SAMD4A: variants seen among roughly 807,000 people sequenced by gnomAD.
The protein encoded by SAMD4A is protein Smaug homolog 1.
In SAMD4A, 33 loss-of-function variants were observed where a neutral mutation model predicts 81.3. The ratio of observed to expected loss-of-function variants is 0.41; its 90% confidence interval spans 0.31 to 0.54. SAMD4A has a LOEUF of 0.54. Among genes scored for constraint, SAMD4A ranks in the 20% least tolerant of loss-of-function variants. The probability of loss-of-function intolerance (pLI) is 0.37; values close to 1 mark genes in which losing one functional copy is unlikely to be tolerated. For missense variants in SAMD4A, 854 were observed against 951.1 expected, an observed-to-expected ratio of 0.90 and a Z score of 1.34; for synonymous variants, 389 against 382.1, an observed-to-expected ratio of 1.02 and a Z score of -0.21.
chr14:54,626,984 T>G (rs2034779278), intron 2 of SAMD4A, among the ~76,000 whole-genome samples: 1 of 152,206 alleles, frequency 6.6e-6, no homozygotes, highest in Non-Finnish European at 1.5e-5. Flanking sequence ...TGACTCTTGC[T>G]TCAGGGTTTT....
intron 2 of SAMD4A, among the ~76,000 whole-genome samples, chr14:54,570,901 G>A (rs951031119): frequency 6.6e-6 from 1 of 152,088 alleles, no homozygotes. Context: ...TTCCTGTACC[G>A]AAGTCATCTT....
At position 54,673,987 on chromosome 14, in the gene SAMD4A, C is replaced by T. The variant is rs145416600; in HGVS notation, c.197-28075C>T. Among the ~76,000 whole-genome samples the T allele has an allele frequency of 4.8e-4, 73 of 152,276 alleles. No homozygotes were observed. In the East Asian group the frequency reaches 0.012, roughly 25 times the overall value. Reference sequence around the variant, plus strand: ...ATGGAACCTACTCTGAGTCATCAGACGCCACGCTTAGGGCACATAGAATTA... The same window carrying T: ...ATGGAACCTACTCTGAGTCATCAGATGCCACGCTTAGGGCACATAGAATTA... On this transcript the variant is annotated intron_variant, in intron 2 of 12. Transcript: ENST00000554335.
chr14:54,699,599 T>C (rs910449283), intron 2 of SAMD4A, among the ~76,000 whole-genome samples: 1 of 152,194 alleles, frequency 6.6e-6, no homozygotes, highest in Admixed American at 6.5e-5. Context: ...AAAGGAAAAA[T>C]GGCTCATTAA....
At chr14:54,730,547 T>A (rs1354892865) in intron 3 of SAMD4A, among the ~76,000 whole-genome samples, 1 of 152,208 alleles carries the variant, frequency 6.6e-6, no homozygotes, top group Admixed American at 6.5e-5. Context: ...TCTTCTGGTG[T>A]CCAGATGTTC....
rs536283177 is a variant in SAMD4A at position 54,657,946 on chromosome 14, G to C, written c.197-44116G>C. ...ACAGCCACAGAGCAGCTCAACTTTA[G>C]GTTCTAGGACCTTGTAGTCAAGAAT... On this transcript the variant is annotated intron_variant, in intron 2 of 12. Coordinates refer to ENST00000554335, the MANE Select transcript of SAMD4A (RefSeq NM_015589.6). 7.9e-5 allele frequency among the ~76,000 whole-genome samples: 12 copies of C among 152,290 alleles called. No individual in the cohort carries two copies. The South Asian group carries it at 2.5e-3, about 32-fold the overall frequency.
chr14:54,668,408 G>C (rs1356878481), intron 2 of SAMD4A, among the ~76,000 whole-genome samples: 1 of 152,172 alleles, frequency 6.6e-6, no homozygotes, highest in Admixed American at 6.5e-5. Context: ...GTGAGGCCTG[G>C]CAGTGAACTT....
intron 6 of SAMD4A, among the ~76,000 whole-genome samples, chr14:54,752,730 C>T (rs997158688): frequency 6.6e-6 from 1 of 152,166 alleles, no homozygotes; most frequent in Non-Finnish European, 1.5e-5. Flanking sequence ...GGGACCGGCA[C>T]TCAGCATACG....
intron 11 of SAMD4A, among the ~76,000 whole-genome samples, chr14:54,783,041 C>T (rs1466688672): frequency 6.6e-6 from 1 of 152,038 alleles, no homozygotes; most frequent in Non-Finnish European, 1.5e-5. Flanking sequence ...GGTGGCAACA[C>T]GGAGACTTCT....
intron 6 of SAMD4A, among the ~76,000 whole-genome samples, chr14:54,756,893 G>A (rs2038254177): frequency 6.6e-6 from 1 of 152,200 alleles, no homozygotes; most frequent in Non-Finnish European, 1.5e-5. Context: ...TGTGGTCAGT[G>A]GTGGACCAGA....
intron 4 of SAMD4A, among the ~76,000 whole-genome samples, chr14:54,744,647 T>C (rs2037923950): frequency 6.6e-6 from 1 of 152,138 alleles, no homozygotes; most frequent in Non-Finnish European, 1.5e-5. Context: ...ATGGTGGTGC[T>C]TTGTCCCAGA....
Position 54,694,598 on chromosome 14 carries a change from C to T in SAMD4A, c.197-7464C>T, listed in dbSNP as rs1433830897. 6 of 985,104 alleles carry T rather than the reference C, an allele frequency of 6.1e-6. No homozygotes were observed. In the African/African-American group the frequency reaches 1.0e-4, roughly 17 times the overall value. 61.0% of individuals were successfully genotyped at this position (985,104 alleles called of 1,614,324 possible). On this transcript the variant is annotated intron_variant, in intron 2 of 12. Transcript: ENST00000554335. ...AGGGGAGAAACCTGGGCTGGAAATACAAACGTGGAGTTGTCTGCATACTCA... is the reference window on the plus strand; with the variant it reads ...AGGGGAGAAACCTGGGCTGGAAATATAAACGTGGAGTTGTCTGCATACTCA...
At chr14:54,754,749 T>C (rs1332922198) in intron 6 of SAMD4A, 1 of 776,056 alleles carries the variant, frequency 1.3e-6, no homozygotes, top group Non-Finnish European at 1.6e-6. Flanking sequence ...CATAGATTTC[T>C]AAGGAGATAG....
At chr14:54,737,760 T>G (rs2037737887) in intron 4 of SAMD4A, among the ~76,000 whole-genome samples, 1 of 152,066 alleles carries the variant, frequency 6.6e-6, no homozygotes, top group Non-Finnish European at 1.5e-5. Context: ...CAGTAGTGCT[T>G]CCTTTCTCTC....
rs983996899 is a variant in SAMD4A at position 54,669,603 on chromosome 14, C to A, written c.197-32459C>A. 3.3e-5 allele frequency among the ~76,000 whole-genome samples: 5 copies of A among 151,964 alleles called. No individual in the cohort carries two copies. The East Asian group carries it at 7.7e-4, about 24-fold the overall frequency. On this transcript the variant is annotated intron_variant, in intron 2 of 12. Coordinates refer to ENST00000554335, the MANE Select transcript of SAMD4A (RefSeq NM_015589.6). Reference sequence around the variant, plus strand: ...CCTCCCAAGTAGCTAGGACCACAGGCGTGCACCACTACGCCCGGCTAGCAC... The same window carrying A: ...CCTCCCAAGTAGCTAGGACCACAGGAGTGCACCACTACGCCCGGCTAGCAC...
At chr14:54,658,975 C>G (rs1261515323) in intron 2 of SAMD4A, among the ~76,000 whole-genome samples, 1 of 152,212 alleles carries the variant, frequency 6.6e-6, no homozygotes, top group African/African-American at 2.4e-5. Flanking sequence ...CCTGGCCTCT[C>G]TGAGATTCAG....
intron 2 of SAMD4A, among the ~76,000 whole-genome samples, chr14:54,673,021 G>A (rs907995046): frequency 2.6e-5 from 4 of 152,210 alleles, no homozygotes; most frequent in African/African-American, 9.7e-5. Flanking sequence ...TTTCTCGAAG[G>A]TTACCTTGCA....
chr14:54,673,285 C>T (rs1455888596), intron 2 of SAMD4A, among the ~76,000 whole-genome samples: 4 of 152,312 alleles, frequency 2.6e-5, no homozygotes, highest in South Asian at 4.1e-4. Context: ...GGCTCTTTCA[C>T]GCTCAGGCCT....
chr14:54,690,794 G>C (rs1033388398), intron 2 of SAMD4A, among the ~76,000 whole-genome samples: 7 of 152,206 alleles, frequency 4.6e-5, no homozygotes, highest in African/African-American at 1.7e-4. Context: ...GTAGGCCAGT[G>C]CTGTCACTCC....
At chr14:54,727,950 G>A (rs991496286) in intron 3 of SAMD4A, among the ~76,000 whole-genome samples, 3 of 152,112 alleles carry the variant, frequency 2.0e-5, no homozygotes, top group African/African-American at 7.2e-5. Flanking sequence ...CAGCCCTCCT[G>A]ATCACCCTCA....
Sources: allele counts gnomAD v4.1 joint callset (sites outside exome capture counted in the v4.1 genomes callset), GRCh38; gene constraint gnomAD v4.1.1; transcripts MANE v1.5; gene names NCBI Gene and HGNC (gene_info 2026-07-23, HGNC 2026-07-21).